The following ZBBX variants were observed in gnomAD, a reference collection of about 807,000 sequenced individuals.
ZBBX encodes the protein zinc finger B-box domain-containing protein 1.
A neutral mutation model predicts 108.5 loss-of-function variants in ZBBX; 101 were observed. The observed-to-expected ratio is 0.93, with a 90% CI of 0.79 to 1.10. ZBBX has a LOEUF of 1.10. ZBBX is among the 50% of genes least tolerant of loss of function. The pLI is 0.00. For synonymous variants in ZBBX, 356 were observed against 323.4 expected, an observed-to-expected ratio of 1.10 and a Z score of -1.08; for missense variants, 1,009 against 941.4, an observed-to-expected ratio of 1.07 and a Z score of -0.94.
chr3:167,194,747 G>A, the ZBBX span, among the ~76,000 whole-genome samples: 1 of 152,086 alleles, frequency 6.6e-6, no homozygotes, highest in Non-Finnish European at 1.5e-5. Context: ...GGGCTCCTCA[G>A]AGCCACCAGG....
At chr3:167,407,042 C>T (rs981594999) in intron 1 of ZBBX, among the ~76,000 whole-genome samples, 1 of 152,160 alleles carries the variant, frequency 6.6e-6, no homozygotes, top group African/African-American at 2.4e-5. Flanking sequence ...CCACTCTCAG[C>T]CCTTGTTTTT....
chr3:167,328,638 T>A (rs763581620), intron 10 of ZBBX, among the ~76,000 whole-genome samples: 1 of 152,142 alleles, frequency 6.6e-6, no homozygotes, highest in Non-Finnish European at 1.5e-5. Flanking sequence ...TCCATTCTCC[T>A]TTCATTCACC....
At chr3:167,272,994 T>C (rs1726816097) in intron 20 of ZBBX, among the ~76,000 whole-genome samples, 8 of 152,224 alleles carry the variant, frequency 5.3e-5, no homozygotes, top group Admixed American at 3.9e-4. Context: ...CTACTGATCC[T>C]AAACCTACTT....
chr3:167,283,814 T>C (rs1240093738), intron 19 of ZBBX, among the ~76,000 whole-genome samples: 2 of 152,126 alleles, frequency 1.3e-5, no homozygotes, highest in East Asian at 3.9e-4. Context: ...AGCTAATTTT[T>C]GTATTTTTAG....
At chr3:167,302,449 A>T (rs1038882874) in intron 17 of ZBBX, among the ~76,000 whole-genome samples, 3 of 151,508 alleles carry the variant, frequency 2.0e-5, no homozygotes, top group South Asian at 2.1e-4. Flanking sequence ...ATTACCTTAA[A>T]TTTTTTTTTA....
intron 1 of ZBBX, among the ~76,000 whole-genome samples, chr3:167,406,564 C>G (rs954272637): frequency 6.6e-6 from 1 of 151,418 alleles, no homozygotes; most frequent in Admixed American, 6.6e-5. Context: ...ACCCAAATTA[C>G]AAAAGAATTA....
intron 9 of ZBBX, among the ~76,000 whole-genome samples, chr3:167,336,220 A>C (rs543240083): frequency 6.6e-6 from 1 of 152,208 alleles, no homozygotes; most frequent in Non-Finnish European, 1.5e-5. Context: ...AATTGTTATA[A>C]CATTTTTAGG....
chr3:167,396,879 T>TA (rs1560216626), intron 1 of ZBBX, among the ~76,000 whole-genome samples: 1 of 151,802 alleles, frequency 6.6e-6, no homozygotes, highest in Non-Finnish European at 1.5e-5. Context: ...GTGTCTCCTT[T>TA]AAAAAATGCT....
the ZBBX span, among the ~76,000 whole-genome samples, chr3:167,209,017 G>T: frequency 1.3e-4 from 20 of 152,256 alleles, no homozygotes; most frequent in African/African-American, 2.4e-4. Flanking sequence ...AACATAGGTA[G>T]TAACCAAGCA....
At chr3:167,196,456 C>A in the ZBBX span, among the ~76,000 whole-genome samples, 1 of 152,038 alleles carries the variant, frequency 6.6e-6, no homozygotes, top group Non-Finnish European at 1.5e-5. Flanking sequence ...GAGTCCATCC[C>A]GGCTATATTT....
chr3:167,322,996 G>A (rs1736700319), intron 11 of ZBBX, among the ~76,000 whole-genome samples: 1 of 151,980 alleles, frequency 6.6e-6, no homozygotes, highest in African/African-American at 2.4e-5. Flanking sequence ...ACAGCTACGG[G>A]CCAGCAATGG....
At chr3:167,244,496 A>T (rs1721227606) in intron 20 of ZBBX, among the ~76,000 whole-genome samples, 1 of 152,238 alleles carries the variant, frequency 6.6e-6, no homozygotes, top group Admixed American at 6.5e-5. Context: ...GTGCAAATAG[A>T]ATGAGTCTAT....
At chr3:167,231,711 T>C in the ZBBX span, among the ~76,000 whole-genome samples, 2 of 151,776 alleles carry the variant, frequency 1.3e-5, no homozygotes, top group African/African-American at 4.8e-5. Flanking sequence ...AGAGGGACTT[T>C]TTGGGTTAAG....
chr3:167,200,565 C>T, the ZBBX span, among the ~76,000 whole-genome samples: 1 of 152,170 alleles, frequency 6.6e-6, no homozygotes, highest in African/African-American at 2.4e-5. Flanking sequence ...GCATCTGGAT[C>T]AACCTTCTTT....
At chr3:167,267,580 G>A (rs1725764487) in intron 20 of ZBBX, among the ~76,000 whole-genome samples, 1 of 152,166 alleles carries the variant, frequency 6.6e-6, no homozygotes, top group South Asian at 2.1e-4. Flanking sequence ...AAATATTGCT[G>A]TTTTGTTTGG....
the ZBBX span, among the ~76,000 whole-genome samples, chr3:167,214,193 T>C: frequency 6.6e-6 from 1 of 152,106 alleles, no homozygotes; most frequent in African/African-American, 2.4e-5. Flanking sequence ...ATGCACTAAA[T>C]GCCCCACTTA....
intron 16 of ZBBX, among the ~76,000 whole-genome samples, chr3:167,310,197 T>A (rs939822163): frequency 2.6e-5 from 4 of 152,178 alleles, no homozygotes; most frequent in Admixed American, 1.3e-4. Context: ...CTCATTTCCA[T>A]CTGAAACCAT....
At chr3:167,264,355 A>AT (rs1451399119) in intron 20 of ZBBX, among the ~76,000 whole-genome samples, 2 of 151,648 alleles carry the variant, frequency 1.3e-5, no homozygotes, top group South Asian at 2.1e-4. Flanking sequence ...TACGCTTTTT[A>AT]TTTTTTTATA....
upstream of ZBBX, among the ~76,000 whole-genome samples, chr3:167,383,782 T>C (rs1014909461): frequency 6.6e-6 from 1 of 152,250 alleles, no homozygotes; most frequent in South Asian, 2.1e-4. Flanking sequence ...TCAACACCTG[T>C]TCTATTCCAG....
Sources: gnomAD v4.1 joint callset for allele counts (sites outside exome capture counted in the v4.1 genomes callset) on GRCh38, gnomAD v4.1.1 for gene constraint, MANE v1.5 for transcripts, NCBI Gene and HGNC (gene_info 2026-07-23, HGNC 2026-07-21) for gene names.